STXBP4: variants seen among roughly 807,000 people sequenced by gnomAD.
The protein encoded by STXBP4 is syntaxin binding protein 4.
STXBP4 carries 55 observed loss-of-function variants against 76.1 expected under a neutral mutation model. The observed-to-expected ratio is 0.72, with a 90% CI of 0.58 to 0.91. The LOEUF (loss-of-function observed/expected upper bound fraction) is 0.91, where lower values mean the gene tolerates loss of function less well. Ranked by LOEUF, STXBP4 falls within the 40% of genes least tolerant of loss-of-function variation. The probability of loss-of-function intolerance (pLI) is 0.00; values close to 1 mark genes in which losing one functional copy is unlikely to be tolerated. For synonymous variants in STXBP4, 201 were observed against 220.2 expected (o/e 0.91, Z 0.77); for missense variants, 618 against 636.9 (o/e 0.97, Z 0.32).
At chr17:55,073,692 G>A (rs929784318) in intron 13 of STXBP4, among the ~76,000 whole-genome samples, 2 of 152,162 alleles carry the variant, frequency 1.3e-5, no homozygotes. Flanking sequence ...GCAATGGCAT[G>A]ATCTCAGCTC....
At position 54,981,776 on chromosome 17, in the gene STXBP4, T is replaced by G. The variant is rs2077554119; in HGVS notation, c.-156-3838T>G. Among the ~76,000 whole-genome samples the G allele has an allele frequency of 2.0e-5, 3 of 152,152 alleles. No homozygotes were observed. The South Asian group carries it at 6.2e-4, about 32-fold the overall frequency. Reference sequence around the variant, plus strand: ...AGGGGGGAAAATATATTTGCAATTCTTAATGCTGATAGAGAGATAATTTCT... The same window carrying G: ...AGGGGGGAAAATATATTTGCAATTCGTAATGCTGATAGAGAGATAATTTCT... On this transcript the variant is annotated intron_variant, in intron 1 of 17. Transcript: ENST00000376352.
intron 17 of STXBP4, among the ~76,000 whole-genome samples, chr17:55,155,428 C>G (rs1199326722): frequency 6.6e-6 from 1 of 151,916 alleles, no homozygotes; most frequent in Non-Finnish European, 1.5e-5. Context: ...TTACTGGTGC[C>G]TGAAACAAAT....
At chr17:55,087,114 G>A (rs958979511) in intron 16 of STXBP4, among the ~76,000 whole-genome samples, 2 of 151,890 alleles carry the variant, frequency 1.3e-5, no homozygotes, top group Non-Finnish European at 2.9e-5. Flanking sequence ...CAGATTGATT[G>A]GTTTTTTGCT....
intron 16 of STXBP4, among the ~76,000 whole-genome samples, chr17:55,129,753 T>C (rs1218024094): frequency 6.6e-6 from 1 of 152,186 alleles, no homozygotes; most frequent in East Asian, 1.9e-4. Flanking sequence ...AAATAAATAA[T>C]AGGAGCATTG....
At position 54,968,796 on chromosome 17, in the gene STXBP4, G is replaced by A; in HGVS notation, c.-176G>A. 2 of 841,168 alleles carry A rather than the reference G, an allele frequency of 2.4e-6. No individual in the cohort carries two copies. The highest frequency in any genetic ancestry group is 3.7e-6 in the Non-Finnish European group (2 of 542,728). The allele number at this position is 841,168 out of a possible 1,614,324, so 52.1% of individuals were successfully genotyped here. ...CAGCGCTTGCAGTCGGGCTACGGAG[G>A]CCGGGTTGCCAGATTACGGGTAAGT... On this transcript the variant is annotated 5_prime_UTR_variant, in exon 1 of 18. Transcript: ENST00000376352.
At chr17:55,003,883 T>C (rs534788099) in intron 7 of STXBP4, among the ~76,000 whole-genome samples, 10 of 152,160 alleles carry the variant, frequency 6.6e-5, no homozygotes, top group African/African-American at 1.4e-4. Context: ...CAATAAACAA[T>C]TGTTGCAGCC....
chr17:55,150,459 G>A (rs2080203360), intron 17 of STXBP4, among the ~76,000 whole-genome samples: 1 of 152,136 alleles, frequency 6.6e-6, no homozygotes, highest in South Asian at 2.1e-4. Flanking sequence ...TTATCTCCAT[G>A]GAGATCCAGT....
intron 17 of STXBP4, among the ~76,000 whole-genome samples, chr17:55,143,856 G>A (rs1213079572): frequency 1.3e-5 from 2 of 152,108 alleles, no homozygotes; most frequent in East Asian, 1.9e-4. Flanking sequence ...TAAAATAAAT[G>A]TATTCCCCAA....
At chr17:55,207,888 G>T in the STXBP4 span, among the ~76,000 whole-genome samples, 47 of 152,102 alleles carry the variant, frequency 3.1e-4, no homozygotes, top group African/African-American at 1.1e-3. Context: ...CAGTAGAATT[G>T]CAGGCCAGTG....
chr17:54,976,040 A>G (rs2077468991), intron 1 of STXBP4, among the ~76,000 whole-genome samples: 1 of 152,190 alleles, frequency 6.6e-6, no homozygotes, highest in Non-Finnish European at 1.5e-5. Context: ...TAGAATGTAA[A>G]TACCAAAAGA....
chr17:55,211,809 T>G, the STXBP4 span, among the ~76,000 whole-genome samples: 7 of 118,872 alleles, frequency 5.9e-5, no homozygotes, highest in South Asian at 2.8e-4. Context: ...GTTTTTTTTT[T>G]TTTTTTTTTT....
the STXBP4 span, among the ~76,000 whole-genome samples, chr17:55,206,856 A>C: frequency 2.1e-5 from 1 of 47,020 alleles, no homozygotes; most frequent in Admixed American, 2.2e-4. Context: ...ACTCCGTCTC[A>C]GAAAAAAAAA....
intron 12 of STXBP4, among the ~76,000 whole-genome samples, chr17:55,051,450 T>C (rs2078857487): frequency 6.6e-6 from 1 of 152,074 alleles, no homozygotes; most frequent in East Asian, 1.9e-4. Flanking sequence ...TTTTGTTTTG[T>C]TTTGTTTTGT....
Position 54,986,237 on chromosome 17 carries a change from T to C in STXBP4, c.18T>C (p.Ser6=), listed in dbSNP as rs762367320. The stretch of plus-strand genomic sequence containing the variant: ...GTGAAAGCATGAATAAAAATACATC[T>C]ACTGTAGTATCACCCAGTCTACTTG... MNKNT[S]TVVSPSLLEK... is the part of the protein sequence containing the mutation. The change falls in exon 3 of 18, where the codon TCT becomes TCC. Residue 6 remains serine, a synonymous_variant. Transcript: ENST00000376352. The C allele has an allele frequency of 6.9e-6, 11 of 1,603,858 alleles. No individual in the cohort carries two copies. Among genetic ancestry groups the C allele is most frequent in the South Asian group, 2.3e-5 (2 of 88,536 alleles).
chr17:55,091,365 C>CA (rs2079411812), intron 16 of STXBP4, among the ~76,000 whole-genome samples: 1 of 150,934 alleles, frequency 6.6e-6, no homozygotes, highest in South Asian at 2.1e-4. Flanking sequence ...ATTTTTTTTG[C>CA]AAAAAAGATG....
At chr17:55,015,351 T>C (rs574936622) in intron 8 of STXBP4, among the ~76,000 whole-genome samples, 3 of 152,318 alleles carry the variant, frequency 2.0e-5, no homozygotes, top group Admixed American at 6.5e-5. Context: ...CTGTGGGGAA[T>C]TGTTCTCTTT....
At chr17:55,128,388 G>A (rs980969164) in intron 16 of STXBP4, among the ~76,000 whole-genome samples, 20 of 140,690 alleles carry the variant, frequency 1.4e-4, no homozygotes, top group African/African-American at 5.2e-4. Context: ...ATTTTAACCC[G>A]TTGTACCAGA....
At chr17:55,049,907 C>T (rs966723269) in intron 12 of STXBP4, among the ~76,000 whole-genome samples, 3 of 151,978 alleles carry the variant, frequency 2.0e-5, no homozygotes, top group African/African-American at 7.2e-5. Flanking sequence ...GATGGTTTCA[C>T]AGAGAAATTT....
chr17:55,195,493 C>T, the STXBP4 span, among the ~76,000 whole-genome samples: 2 of 152,148 alleles, frequency 1.3e-5, no homozygotes, highest in Non-Finnish European at 2.9e-5. Flanking sequence ...GTTACCTAGA[C>T]TAGAGTGCAG....
Sources: allele counts gnomAD v4.1 joint callset (sites outside exome capture counted in the v4.1 genomes callset), GRCh38; gene constraint gnomAD v4.1.1; transcripts MANE v1.5; gene names NCBI Gene and HGNC (gene_info 2026-07-23, HGNC 2026-07-21).